GRIK1: variants seen among roughly 807,000 people sequenced by gnomAD.
The protein encoded by GRIK1 is glutamate ionotropic receptor kainate type subunit 1, also known as glutamate receptor ionotropic, kainate 1.
In GRIK1, 69 loss-of-function variants were observed where a neutral mutation model predicts 105.7. The observed-to-expected ratio is 0.65, with a 90% CI of 0.54 to 0.80. The LOEUF (loss-of-function observed/expected upper bound fraction) is 0.80, where lower values mean the gene tolerates loss of function less well. Among genes scored for constraint, GRIK1 ranks in the 30% least tolerant of loss-of-function variants. The probability of loss-of-function intolerance (pLI) is 0.00; values close to 1 mark genes in which losing one functional copy is unlikely to be tolerated. For synonymous variants in GRIK1, 438 were observed against 431.3 expected (o/e 1.02, Z -0.19); for missense variants, 1,109 against 1,167.3 (o/e 0.95, Z 0.73).
intron 4 of GRIK1, among the ~76,000 whole-genome samples, chr21:29,656,153 G>A (rs2062843333): frequency 6.6e-6 from 1 of 151,624 alleles, no homozygotes; most frequent in Admixed American, 6.6e-5. Context: ...ATGAGGTCAG[G>A]AGATAGAGAC....
At chr21:29,591,259 C>T (rs1568858487) in intron 9 of GRIK1, 34 bp from the exon 10 acceptor site, 1 of 1,252,630 alleles carries the variant, frequency 8.0e-7, no homozygotes, top group East Asian at 2.3e-5. Context: ...AGGCTGCTGG[C>T]TGTCAGTGTG....
intron 1 of GRIK1, among the ~76,000 whole-genome samples, chr21:29,905,619 ATTTTTTTTTTTTTT>A (rs869179451): frequency 1.4e-5 from 1 of 72,582 alleles, no homozygotes; most frequent in Non-Finnish European, 2.5e-5. Flanking sequence ...CAAATTTTGT[ATTTTTTTTTTTTTT>A]TTTTTTTTTT....
chr21:29,905,946 T>TTG (rs200523044), intron 1 of GRIK1, among the ~76,000 whole-genome samples: 3 of 142,664 alleles, frequency 2.1e-5, no homozygotes, highest in Non-Finnish European at 4.4e-5. Context: ...GTTTTTTTTG[T>TTG]TTGTTTGTTT....
intron 16 of GRIK1, among the ~76,000 whole-genome samples, chr21:29,542,488 C>T (rs2089987674): frequency 6.6e-6 from 1 of 152,136 alleles, no homozygotes; most frequent in South Asian, 2.1e-4. Flanking sequence ...AATACTCTGC[C>T]TCACGAAGAA....
chr21:29,861,546 G>A (rs955299070), intron 1 of GRIK1: 18 of 282,548 alleles, frequency 6.4e-5, no homozygotes, highest in African/African-American at 1.6e-4. Flanking sequence ...GGACTCAAGC[G>A]ATCTGCCCTC....
At chr21:29,596,969 C>G (rs952804921) in intron 8 of GRIK1, among the ~76,000 whole-genome samples, 3 of 151,986 alleles carry the variant, frequency 2.0e-5, no homozygotes, top group African/African-American at 7.3e-5. Context: ...CACACACACA[C>G]AAACACACAC....
intron 1 of GRIK1, among the ~76,000 whole-genome samples, chr21:29,787,977 G>A (rs1411228060): frequency 6.6e-6 from 1 of 152,218 alleles, no homozygotes; most frequent in East Asian, 1.9e-4. Flanking sequence ...TTTGTACGAA[G>A]TTTCTCAATT....
intron 3 of GRIK1, among the ~76,000 whole-genome samples, chr21:29,673,773 A>G (rs1452517736): frequency 1.3e-5 from 2 of 152,210 alleles, no homozygotes; most frequent in Non-Finnish European, 2.9e-5. Flanking sequence ...TAAAAAGACC[A>G]TAGAATTTTT....
At chr21:29,800,090 G>A (rs1298882060) in intron 1 of GRIK1, among the ~76,000 whole-genome samples, 1 of 152,150 alleles carries the variant, frequency 6.6e-6, no homozygotes, top group Non-Finnish European at 1.5e-5. Flanking sequence ...GCCATGGCAT[G>A]AGAATTTAGA....
chr21:29,821,191 G>A (rs2067297355), intron 1 of GRIK1, among the ~76,000 whole-genome samples: 1 of 152,024 alleles, frequency 6.6e-6, no homozygotes, highest in South Asian at 2.1e-4. Context: ...CTATGTATTA[G>A]ATACTGTATT....
At chr21:29,904,793 C>G (rs2070547713) in intron 1 of GRIK1, among the ~76,000 whole-genome samples, 1 of 152,144 alleles carries the variant, frequency 6.6e-6, no homozygotes, top group African/African-American at 2.4e-5. Flanking sequence ...GTCATGTACC[C>G]AGCTCTGTTC....
At chr21:29,825,051 T>C (rs1485542891) in intron 1 of GRIK1, among the ~76,000 whole-genome samples, 1 of 152,078 alleles carries the variant, frequency 6.6e-6, no homozygotes, top group East Asian at 1.9e-4. Context: ...GAAGAATTAA[T>C]TATTTTAATA....
intron 1 of GRIK1, among the ~76,000 whole-genome samples, chr21:29,726,669 C>T (rs2064471967): frequency 6.6e-6 from 1 of 151,830 alleles, no homozygotes; most frequent in Non-Finnish European, 1.5e-5. Flanking sequence ...AAATATCTAA[C>T]ATACTATTTA....
intron 1 of GRIK1, among the ~76,000 whole-genome samples, chr21:29,896,829 G>C (rs540453724): frequency 6.6e-6 from 1 of 152,276 alleles, no homozygotes; most frequent in African/African-American, 2.4e-5. Context: ...GAGGCTGGAA[G>C]CAGAGTGGAC....
chr21:29,897,609 G>T (rs189233566), intron 1 of GRIK1, among the ~76,000 whole-genome samples: 30 of 152,312 alleles, frequency 2.0e-4, no homozygotes, highest in African/African-American at 7.0e-4. Flanking sequence ...TTGAAAAGCT[G>T]CAGAAGTAAT....
chr21:29,672,809 A>C (rs1334166192), intron 4 of GRIK1, among the ~76,000 whole-genome samples, 174 bp downstream of exon 4: 2 of 152,236 alleles, frequency 1.3e-5, no homozygotes, highest in South Asian at 2.1e-4. Context: ...ATGAAGCCCC[A>C]TGAACTCTCT....
intron 1 of GRIK1, among the ~76,000 whole-genome samples, chr21:29,903,934 C>G (rs2070507173): frequency 6.6e-6 from 1 of 152,098 alleles, no homozygotes; most frequent in Non-Finnish European, 1.5e-5. Flanking sequence ...CCATGGAATA[C>G]CATGCAGCCA....
intron 1 of GRIK1, among the ~76,000 whole-genome samples, chr21:29,727,716 C>T (rs2064505005): frequency 6.6e-6 from 1 of 152,112 alleles, no homozygotes; most frequent in Non-Finnish European, 1.5e-5. Context: ...ATGTCAGTGA[C>T]CAACTGTATT....
At chr21:29,831,815 T>G (rs2067650240) in intron 1 of GRIK1, among the ~76,000 whole-genome samples, 1 of 152,096 alleles carries the variant, frequency 6.6e-6, no homozygotes, top group Non-Finnish European at 1.5e-5. Flanking sequence ...CTTCTCACAC[T>G]GCAAAATACA....
Sources: allele counts gnomAD v4.1 joint callset (sites outside exome capture counted in the v4.1 genomes callset), GRCh38; gene constraint gnomAD v4.1.1; transcripts MANE v1.5; gene names NCBI Gene and HGNC (gene_info 2026-07-23, HGNC 2026-07-21).